Variants in MINDY4 observed in about 807,000 individuals in gnomAD.
The protein encoded by MINDY4 is MINDY lysine 48 deubiquitinase 4.
MINDY4 carries 68 observed loss-of-function variants against 87.0 expected under a neutral mutation model. The ratio of observed to expected loss-of-function variants is 0.78; its 90% CI spans 0.64 to 0.96. MINDY4 has a LOEUF of 0.96. Among genes scored for constraint, MINDY4 ranks in the 40% least tolerant of loss-of-function variants. The probability of loss-of-function intolerance (pLI) is 0.00; values close to 1 mark genes in which losing one functional copy is unlikely to be tolerated. For synonymous variants in MINDY4, 379 were observed against 363.2 expected, an observed-to-expected ratio of 1.04 and a Z score of -0.50; for missense variants, 919 against 928.2, an observed-to-expected ratio of 0.99 and a Z score of 0.13.
intron 15 of MINDY4, among the ~76,000 whole-genome samples, chr7:30,878,060 A>T (rs73301968): frequency 0.072 from 10,862 of 151,832 alleles, 607 homozygotes; most frequent in African/African-American, 0.15. Flanking sequence ...CACATTGGAC[A>T]TAGAAGGAGT....
At chr7:30,803,894 T>A (rs758890757) in intron 5 of MINDY4, among the ~76,000 whole-genome samples, 10 of 152,226 alleles carry the variant, frequency 6.6e-5, no homozygotes, top group Admixed American at 3.3e-4. Flanking sequence ...GATCATGGCA[T>A]TTATTTAGGG....
intron 15 of MINDY4, among the ~76,000 whole-genome samples, chr7:30,880,812 C>G (rs1457180877): frequency 1.3e-5 from 2 of 152,146 alleles, no homozygotes; most frequent in African/African-American, 2.4e-5. Flanking sequence ...GGAGGGGACA[C>G]TTGAACCGTA....
Position 30,850,526 on chromosome 7 carries a change from A to G in MINDY4, c.1518A>G (p.Ala506=). 6.2e-7 allele frequency: 1 copy of G among 1,608,810 alleles called. No individual in the cohort carries two copies. Among genetic ancestry groups the G allele is most frequent in the Non-Finnish European group, 8.5e-7 (1 of 1,177,698 alleles). The stretch of plus-strand genomic sequence containing the variant: ...CCCTCGCAGACATTGTGTGGCGGGC[A>G]GGGGGCCGAGAGAGAGCCGTTGTTG... ...VLALADIVWR[A]GGRERAVVAL... Residue 506 remains alanine, a synonymous_variant, in exon 10 of 18, where the codon GCA becomes GCG. Coordinates refer to ENST00000265299, the MANE Select transcript of MINDY4 (RefSeq NM_032222.3).
At chr7:30,863,855 T>A (rs571320489) in intron 13 of MINDY4, among the ~76,000 whole-genome samples, 2 of 152,344 alleles carry the variant, frequency 1.3e-5, no homozygotes, top group Non-Finnish European at 2.9e-5. Context: ...GTAAATCTCA[T>A]GCAGGATTTC....
chr7:30,772,063 G>T (rs942065406), intron 1 of MINDY4, among the ~76,000 whole-genome samples: 1 of 152,248 alleles, frequency 6.6e-6, no homozygotes, highest in African/African-American at 2.4e-5. Flanking sequence ...TTTAATTTTT[G>T]TAAGTTTTCC....
intron 9 of MINDY4, among the ~76,000 whole-genome samples, chr7:30,845,844 G>A (rs1425064326): frequency 6.6e-6 from 1 of 152,192 alleles, no homozygotes; most frequent in African/African-American, 2.4e-5. Flanking sequence ...GCTTCATTAC[G>A]ACTCATTCCA....
At chr7:30,772,612 A>G (rs1384681658) in intron 1 of MINDY4, among the ~76,000 whole-genome samples, 1 of 152,122 alleles carries the variant, frequency 6.6e-6, no homozygotes, top group Non-Finnish European at 1.5e-5. Context: ...TGTTTCTGAC[A>G]CCAAACAGGT....
In MINDY4 at chr7:30,817,366, C is replaced by CTTTT. The variant is rs572880227; in HGVS notation, c.1074-11296_1074-11293dup. ...TCTTCCATGGAGAACTTGGGTTTGT[C>CTTTT]TTTTTTTTTTTTTTTTTTTTAGCAT... On this transcript the variant is annotated intron_variant, in intron 5 of 17. Transcript: ENST00000265299. 5.8e-4 allele frequency among the ~76,000 whole-genome samples: 66 copies of CTTTT among 114,122 alleles called. 2 individuals are homozygous for CTTTT. Among genetic ancestry groups the CTTTT allele is most frequent in the African/African-American group, 1.3e-3 (41 of 31,874 alleles). 74.9% of individuals were successfully genotyped at this position (114,122 alleles called of 152,430 possible).
rs143719637 is a variant in MINDY4 at position 30,875,623 on chromosome 7, C to T, written c.1938C>T (p.Phe646=). The change falls in exon 15 of 18, where the codon TTC becomes TTT. Residue 646 remains phenylalanine, a synonymous_variant. Transcript: ENST00000265299. ...RGIAARSDIG[F]LSLFEHYNMC... ...TTGCTGCACGCAGTGATATTGGCTT[C>T]TTATCTCTCTTTGAGCATTACAACA... The T allele has an allele frequency of 6.7e-3, 10,864 of 1,613,762 alleles. 74 individuals carry two copies. The highest frequency in any genetic ancestry group is 7.3e-3 in the Non-Finnish European group (8,642 of 1,179,800).
chr7:30,825,682 A>G (rs930777256), intron 5 of MINDY4, among the ~76,000 whole-genome samples: 3 of 152,236 alleles, frequency 2.0e-5, no homozygotes, highest in African/African-American at 7.2e-5. Flanking sequence ...TGTGAGAATC[A>G]TCTGGCATTG....
intron 13 of MINDY4, 29 bp from the exon 14 acceptor site, chr7:30,872,214 G>A: frequency 6.2e-7 from 1 of 1,613,116 alleles, no homozygotes; most frequent in African/African-American, 1.3e-5. Flanking sequence ...AGGCAGAGCT[G>A]TGCTAACAAT....
At chr7:30,773,597 G>A (rs1786712099) in intron 1 of MINDY4, among the ~76,000 whole-genome samples, 2 of 152,130 alleles carry the variant, frequency 1.3e-5, no homozygotes, top group African/African-American at 4.8e-5. Flanking sequence ...GGCAGGGTCT[G>A]CTGAGGTGAC....
At chr7:30,851,892 T>C (rs944429922) in intron 10 of MINDY4, among the ~76,000 whole-genome samples, 4 of 152,244 alleles carry the variant, frequency 2.6e-5, no homozygotes, top group African/African-American at 7.2e-5. Flanking sequence ...TTCCGCAGTC[T>C]GGAAACACAT....
intron 15 of MINDY4, among the ~76,000 whole-genome samples, chr7:30,876,541 C>G (rs538241686): frequency 1.4e-3 from 212 of 152,160 alleles, no homozygotes; most frequent in Non-Finnish European, 1.7e-3. Flanking sequence ...GGCTGGGCCC[C>G]CAGGTAAAGC....
chr7:30,869,370 C>T lies in MINDY4; in HGVS notation c.1746-2873C>T, dbSNP rs1413692710. ...GTATGTTTCATGTAATGGGCTTCTG[C>T]CTGTAGTATTGCATTTGAAGAAAGG... On this transcript the variant is annotated intron_variant, in intron 13 of 17. Transcript: ENST00000265299. 3.9e-5 allele frequency among the ~76,000 whole-genome samples: 6 copies of T among 152,274 alleles called. No individual in the cohort carries two copies. In the East Asian group the frequency reaches 1.2e-3, roughly 29 times the overall value.
At chr7:30,850,590 A>G (rs780520896) in intron 10 of MINDY4, 35 bp downstream of exon 10, 2 of 1,557,564 alleles carry the variant, frequency 1.3e-6, no homozygotes, top group Non-Finnish European at 1.7e-6. Flanking sequence ...GCCGTGGCTC[A>G]TCGTCTGCTG....
intron 5 of MINDY4, among the ~76,000 whole-genome samples, chr7:30,798,357 A>C (rs890065730): frequency 6.6e-6 from 1 of 152,320 alleles, no homozygotes; most frequent in East Asian, 1.9e-4. Flanking sequence ...TAGAGAAAGA[A>C]AGGAGGCAAG....
chr7:30,872,162 A>C (rs1386231239), intron 13 of MINDY4, 81 bp from the exon 14 acceptor site: 22 of 1,315,340 alleles, frequency 1.7e-5, no homozygotes, highest in Non-Finnish European at 1.1e-6. Context: ...CTGGAACCTA[A>C]GGGGAGCGCC....
At chr7:30,826,645 G>C (rs1003794568) in intron 5 of MINDY4, among the ~76,000 whole-genome samples, 6 of 152,200 alleles carry the variant, frequency 3.9e-5, no homozygotes, top group Admixed American at 2.0e-4. Flanking sequence ...ATTTTTATAA[G>C]GAAGCAGTAA....
Sources: gnomAD v4.1 joint callset for allele counts (sites outside exome capture counted in the v4.1 genomes callset) on GRCh38, gnomAD v4.1.1 for gene constraint, MANE v1.5 for transcripts, NCBI Gene and HGNC (gene_info 2026-07-23, HGNC 2026-07-21) for gene names.